EIF4G1: variants seen among roughly 807,000 people sequenced by gnomAD.
The protein encoded by EIF4G1 is eukaryotic translation initiation factor 4 gamma 1, also known as EIF4-gamma.
A neutral mutation model predicts 187.8 loss-of-function variants in EIF4G1; 4 were observed. The observed-to-expected ratio is 0.02, with a 90% CI of 0.01 to 0.05. EIF4G1 has a LOEUF of 0.05. Ranked by LOEUF, EIF4G1 falls within the 10% of genes least tolerant of loss-of-function variation. The pLI is 1.00. For synonymous variants in EIF4G1, 844 were observed against 781.4 expected (o/e 1.08, Z -1.34); for missense variants, 1,647 against 2,081.1 (o/e 0.79, Z 4.06).
chr3:184,316,757 G>T, intron 4 of EIF4G1: 1 of 1,595,470 alleles, frequency 6.3e-7, no homozygotes, highest in Non-Finnish European at 8.5e-7. Context: ...CCCAACCCTG[G>T]ACAGTCTTCT....
chr3:184,334,843 C>T lies in EIF4G1; in HGVS notation c.4735C>T (p.Leu1579Phe). The T allele has an allele frequency of 6.2e-7, 1 of 1,614,200 alleles. No individual in the cohort carries two copies. Among genetic ancestry groups the T allele is most frequent in the Non-Finnish European group, 8.5e-7 (1 of 1,180,026 alleles). The stretch of plus-strand genomic sequence containing the variant: ...TGAGCAGCAGGGCAAGGGTGTGGCC[C>T]TTAAATCTGTCACAGCCTTCTTCAA... ...PAEQQGKGVA[L>F]KSVTAFFKWL... Residue 1579 changes from leucine to phenylalanine, a missense_variant, in exon 33 of 33, where the codon CTT becomes TTT. Around this residue, in one of 11 missense-constraint regions of EIF4G1, gnomAD observed 543 missense variants for 638.0 expected, o/e 0.85. Coordinates refer to ENST00000346169, the MANE Select transcript of EIF4G1 (RefSeq NM_198241.3). The surrounding 1 kb of genome is among the most constrained non-coding windows in gnomAD (Gnocchi z 5.8).
chr3:184,324,072 G>A (rs1724397987), intron 16 of EIF4G1, 95 bp downstream of exon 16: 5 of 1,604,236 alleles, frequency 3.1e-6, no homozygotes, highest in Non-Finnish European at 4.3e-6. Context: ...CCTCCAACTT[G>A]TGCCTCTTCC....
chr3:184,323,668 T>C lies in EIF4G1; in HGVS notation c.2274+75T>C. ...GCCATCTGTGCCCTCTTTGCTTCTT[T>C]TTGTCCTTATCACTAGCATCTGTCA... On this transcript the variant is annotated intron_variant, in intron 15 of 32. Transcript: ENST00000346169. This position sits in a 1 kb window ranked among gnomAD's most constrained non-coding sequence, Gnocchi z 6.9. 1.2e-6 allele frequency: 2 copies of C among 1,611,278 alleles called. No homozygotes were observed. The highest frequency in any genetic ancestry group is 1.7e-6 in the Non-Finnish European group (2 of 1,179,106).
rs1430725505 is a variant in EIF4G1, at chr3:184,335,249, G to A, written c.*341G>A. The A allele has an allele frequency of 2.2e-5, 7 of 318,972 alleles. No individual in the cohort carries two copies. Among genetic ancestry groups the A allele is most frequent in the South Asian group, 3.2e-5 (1 of 31,418 alleles). The allele number at this position is 318,972 out of a possible 1,614,324, so 19.8% of individuals were successfully genotyped here. On this transcript the variant is annotated 3_prime_UTR_variant, in exon 33 of 33. Coordinates refer to ENST00000346169, the MANE Select transcript of EIF4G1 (RefSeq NM_198241.3). ...AATCACTCTCGGGACTGCCGTCCTC[G>A]CTGCTGGGGGCATATGCCCCAGCCC...
chr3:184,316,104 T>C, intron 3 of EIF4G1, 28 bp from the exon 4 acceptor site: 1 of 1,614,026 alleles, frequency 6.2e-7, no homozygotes, highest in Non-Finnish European at 8.5e-7. Flanking sequence ...GCTTCCCCTC[T>C]TGCTGAACTC....
At position 184,325,600 on chromosome 3, in the gene EIF4G1, A is replaced by G; in HGVS notation, c.3082A>G (p.Ser1028Gly). 6.2e-7 allele frequency: 1 copy of G among 1,614,208 alleles called. No individual in the cohort carries two copies. Among genetic ancestry groups the G allele is most frequent in the Non-Finnish European group, 8.5e-7 (1 of 1,180,028 alleles). The change falls in exon 20 of 33, where the codon AGT becomes GGT. Residue 1028 changes from serine to glycine, a missense_variant. Physicochemically the swap from Ser to Gly is moderately conservative, Grantham distance 56. Transcript: ENST00000346169. This position sits in a 1 kb window ranked among gnomAD's most constrained non-coding sequence, Gnocchi z 5.2. ...IKVQQLMAKG[S>G]DKRRGGPPGP... Reference sequence around the variant, plus strand: ...AGTGCAGCAGCTCATGGCCAAGGGCAGTGACAAGCGTCGGGGCGGTCCTCC... The same window carrying G: ...AGTGCAGCAGCTCATGGCCAAGGGCGGTGACAAGCGTCGGGGCGGTCCTCC...
chr3:184,322,475 G>GA (rs1724083982), intron 11 of EIF4G1, 25 bp downstream of exon 11: 7 of 1,610,962 alleles, frequency 4.3e-6, no homozygotes, highest in Non-Finnish European at 5.9e-6. Context: ...AATGGGAGGG[G>GA]AGAGGGCCAA....
Position 184,320,912 on chromosome 3 carries a change from C to G in EIF4G1, c.631-15C>G. 6.2e-7 allele frequency: 1 copy of G among 1,614,166 alleles called. No individual in the cohort carries two copies. Among genetic ancestry groups the G allele is most frequent in the Non-Finnish European group, 8.5e-7 (1 of 1,180,014 alleles). ...ACTCTTCAGTGCAAACTTGGTAACC[C>G]TTTGTGTCCTGCAGACGGGAGGCGG... is the stretch of plus-strand genomic sequence containing the variant. On this transcript the variant is annotated splice_polypyrimidine_tract_variant and intron_variant, in intron 8 of 32. Coordinates refer to ENST00000346169, the MANE Select transcript of EIF4G1 (RefSeq NM_198241.3).
rs1461091651 is a variant in EIF4G1, at chr3:184,325,608, G to A, written c.3090G>A (p.Lys1030=). 1.9e-6 allele frequency: 3 copies of A among 1,614,090 alleles called. No homozygotes were observed. The highest frequency in any genetic ancestry group is 2.5e-6 in the Non-Finnish European group (3 of 1,180,042). The change falls in exon 20 of 33, where the codon AAG becomes AAA. Residue 1030 remains lysine (K), a synonymous_variant. Transcript: ENST00000346169. The surrounding 1 kb of genome is among the most constrained non-coding windows in gnomAD (Gnocchi z 5.2). ...AGCTCATGGCCAAGGGCAGTGACAAGCGTCGGGGCGGTCCTCCAGGCCCTC... is the reference window on the plus strand; with the variant it reads ...AGCTCATGGCCAAGGGCAGTGACAAACGTCGGGGCGGTCCTCCAGGCCCTC... The part of the protein sequence containing the change: ...VQQLMAKGSD[K]RRGGPPGPPI...
At chr3:184,327,020 G>C (rs1394155906) in intron 23 of EIF4G1, 37 bp downstream of exon 23, 4 of 1,612,774 alleles carry the variant, frequency 2.5e-6, no homozygotes, top group Non-Finnish European at 3.4e-6. Flanking sequence ...TTCACACTGG[G>C]GGTACCGTGA....
At chr3:184,315,703 G>C in intron 2 of EIF4G1, 60 bp from the exon 3 acceptor site, 2 of 1,297,614 alleles carry the variant, frequency 1.5e-6, no homozygotes, top group East Asian at 2.5e-5. Context: ...CCCTTTCACC[G>C]CCCCATTTGC....
chr3:184,319,750 A>T lies in EIF4G1; in HGVS notation c.486A>T (p.Pro162=). ...TTCCCACTGGCGTGGCCCCCACCCC[A>T]GTTTTGATGAACCAGCCACCCCAGA... The part of the protein sequence containing the change: ...QQFPTGVAPT[P]VLMNQPPQIA... The change falls in exon 7 of 33, where the codon CCA becomes CCT. Residue 162 remains proline (P), a synonymous_variant. Coordinates refer to ENST00000346169, the MANE Select transcript of EIF4G1 (RefSeq NM_198241.3). 1 of 1,608,522 alleles carries T rather than the reference A, an allele frequency of 6.2e-7. No homozygotes were observed. Among genetic ancestry groups the T allele is most frequent in the African/African-American group, 1.3e-5 (1 of 74,910 alleles).
intron 1 of EIF4G1, 145 bp from the exon 2 acceptor site, chr3:184,315,344 C>CGGGTGGG (rs750730830): frequency 3.9e-6 from 2 of 518,138 alleles, no homozygotes; most frequent in Non-Finnish European, 7.7e-6. Flanking sequence ...CCGGTGTCCC[C>CGGGTGGG]GGGTGGGGGG....
intron 3 of EIF4G1, 75 bp downstream of exon 3, chr3:184,315,931 C>G: frequency 1.3e-6 from 2 of 1,513,688 alleles, no homozygotes; most frequent in Non-Finnish European, 1.8e-6. Flanking sequence ...CTTCCTACCC[C>G]CATCTGTGTC....
At chr3:184,327,048 C>A in intron 23 of EIF4G1, 65 bp downstream of exon 23, 2 of 1,606,184 alleles carry the variant, frequency 1.2e-6, no homozygotes, top group Non-Finnish European at 1.7e-6. Flanking sequence ...CTGGTTGTTG[C>A]CATAGGTTGG....
At chr3:184,328,312 A>T (rs1577241180) in intron 26 of EIF4G1, 2 of 480,112 alleles carry the variant, frequency 4.2e-6, no homozygotes, top group Admixed American at 3.3e-5. Context: ...AACTGCTTGA[A>T]CCCGGGAGGT....
rs1322133627 is a variant in EIF4G1 at position 184,328,683 on chromosome 3, G to A, written c.4006G>A (p.Val1336Met). The change falls in exon 27 of 33, where the codon GTG becomes ATG. Residue 1336 changes from valine (V) to methionine (M), a missense_variant. By Grantham distance (21) the Val-to-Met change is conservative (BLOSUM62 1). Coordinates refer to ENST00000346169, the MANE Select transcript of EIF4G1 (RefSeq NM_198241.3). The part of the protein sequence containing the change: ...AEDMEIDIPH[V>M]WLYLAELVTP... ...GGACATGGAAATTGACATCCCCCAC[G>A]TGTGGCTCTACCTAGCGGAACTGGT... The A allele has an allele frequency of 3.1e-6, 5 of 1,614,056 alleles. No individual in the cohort carries two copies. The African/African-American group carries it at 5.3e-5, about 17-fold the overall frequency.
intron 7 of EIF4G1, chr3:184,320,246 C>T (rs1003149374): frequency 3.3e-6 from 4 of 1,218,712 alleles, no homozygotes; most frequent in African/African-American, 3.1e-5. Flanking sequence ...CACCCTGGCT[C>T]CACCTACTGG....
At chr3:184,316,459 T>TC (rs975295550) in intron 4 of EIF4G1, among the ~76,000 whole-genome samples, 1 of 152,192 alleles carries the variant, frequency 6.6e-6, no homozygotes, top group African/African-American at 2.4e-5. Flanking sequence ...GGGGCAGTGC[T>TC]TTGGGCCCTG....
Sources: allele counts gnomAD v4.1 joint callset (sites outside exome capture counted in the v4.1 genomes callset), GRCh38; gene constraint gnomAD v4.1.1; regional missense constraint gnomAD v4.1.1; non-coding constraint Gnocchi (gnomAD v3.1); transcripts MANE v1.5; gene names NCBI Gene and HGNC (gene_info 2026-07-23, HGNC 2026-07-21).